Variants in NACC2 observed in about 807,000 individuals in gnomAD.
The protein encoded by NACC2 is NACC family member 2.
Under a neutral mutation model 25.1 loss-of-function variants are expected in NACC2, and 8 were observed. That is an observed-to-expected ratio of 0.32 (90% confidence interval 0.19 to 0.57). NACC2 has a LOEUF of 0.57. Among genes scored for constraint, NACC2 ranks in the 20% least tolerant of loss-of-function variants. The pLI, the probability that NACC2 is intolerant of heterozygous loss-of-function variation, is 0.89. For missense variants in NACC2, 644 were observed against 650.2 expected, an observed-to-expected ratio of 0.99 and a Z score of 0.10; for synonymous variants, 435 against 294.7, an observed-to-expected ratio of 1.48 and a Z score of -4.88.
At chr9:136,057,586 A>G (rs1840943525) in intron 1 of NACC2, among the ~76,000 whole-genome samples, 1 of 152,270 alleles carries the variant, frequency 6.6e-6, no homozygotes, top group Non-Finnish European at 1.5e-5. Context: ...GTAAGCTTGA[A>G]GAGCGTCTCC....
At chr9:136,042,711 GAGACACAC>G (rs1030600333) in intron 2 of NACC2, among the ~76,000 whole-genome samples, 21 of 143,118 alleles carry the variant, frequency 1.5e-4, no homozygotes, top group Non-Finnish European at 2.4e-4. Flanking sequence ...CACAGACACA[GAGACACAC>G]ACACAGACAC....
At chr9:136,030,778 C>A (rs1840461691) in intron 2 of NACC2, among the ~76,000 whole-genome samples, 1 of 152,252 alleles carries the variant, frequency 6.6e-6, no homozygotes, top group East Asian at 1.9e-4. Context: ...CCTCCCATCT[C>A]AGCCTCCCGA....
intron 1 of NACC2, among the ~76,000 whole-genome samples, chr9:136,062,831 C>A (rs1309276802): frequency 6.6e-6 from 1 of 152,214 alleles, no homozygotes; most frequent in African/African-American, 2.4e-5. Context: ...GTGGGAGGAT[C>A]ACCTAAGCCT....
In NACC2 at chr9:136,055,696, T is replaced by C. The variant is rs1564233173; in HGVS notation, c.-59-5116A>G. On this transcript the variant is annotated intron_variant, in intron 1 of 5. Transcript: ENST00000277554. The surrounding 1 kb of genome is among the most constrained non-coding windows in gnomAD (Gnocchi z 4.9). ...GCAGGATTTAATTTCACCAATCTAA[T>C]AAGAGGTTCTGGACCTCAGCAAATG... 6.6e-6 allele frequency among the ~76,000 whole-genome samples: 1 copy of C among 152,154 alleles called. No individual in the cohort carries two copies. The highest frequency in any genetic ancestry group is 2.4e-5 in the African/African-American group (1 of 41,420).
At chr9:136,026,990 A>C (rs1840401961) in intron 2 of NACC2, among the ~76,000 whole-genome samples, 2 of 152,210 alleles carry the variant, frequency 1.3e-5, no homozygotes, top group South Asian at 4.1e-4. Flanking sequence ...GCACTCTGGG[A>C]GGCTGAAGCA....
chr9:136,088,464 C>T (rs1026395826), intron 1 of NACC2, among the ~76,000 whole-genome samples: 5 of 152,162 alleles, frequency 3.3e-5, no homozygotes, highest in Non-Finnish European at 5.9e-5. Context: ...GCTGCAAAGC[C>T]ACAGTGGTCA....
rs1233718589 is a variant in NACC2, at chr9:136,020,393, C to G, written c.887-3964G>C. On this transcript the variant is annotated intron_variant, in intron 2 of 5. Coordinates refer to ENST00000277554, the MANE Select transcript of NACC2 (RefSeq NM_144653.5). This position sits in a 1 kb window ranked among gnomAD's most constrained non-coding sequence, Gnocchi z 4.7. ...GATGTCCCAGATGGCGAGCCCTGTT[C>G]CTGTCCCCAAGGCAGAGTGTGTCAT... Among the ~76,000 whole-genome samples, 2 of 152,122 alleles carry G rather than the reference C, an allele frequency of 1.3e-5. No homozygotes were observed. The highest frequency in any genetic ancestry group is 2.4e-5 in the African/African-American group (1 of 41,424).
Position 136,011,251 on chromosome 9 carries a change from C to A in NACC2, c.*265G>T, listed in dbSNP as rs147839541. 1 of 291,620 alleles carries A rather than the reference C, an allele frequency of 3.4e-6. No individual in the cohort carries two copies. Among genetic ancestry groups the A allele is most frequent in the Non-Finnish European group, 6.2e-6 (1 of 161,910 alleles). The allele number at this position is 291,620 out of a possible 1,614,324, so 18.1% of individuals were successfully genotyped here. On this transcript the variant is annotated 3_prime_UTR_variant, in exon 6 of 6. Transcript: ENST00000277554. Reference sequence around the variant, plus strand: ...CCCTCCCCAAGAAGGGGGAGGGAAGCTACACTTGGAGGCTGACCTTGTGAA... The same window carrying A: ...CCCTCCCCAAGAAGGGGGAGGGAAGATACACTTGGAGGCTGACCTTGTGAA...
chr9:136,036,552 C>CAT (rs1179604517), intron 2 of NACC2, among the ~76,000 whole-genome samples: 3 of 152,068 alleles, frequency 2.0e-5, no homozygotes, highest in East Asian at 1.9e-4. Context: ...TATACATATA[C>CAT]ATATATATAC....
At chr9:136,047,717 G>A (rs1317839074) in intron 2 of NACC2, among the ~76,000 whole-genome samples, 3 of 152,128 alleles carry the variant, frequency 2.0e-5, no homozygotes, top group East Asian at 1.9e-4. Flanking sequence ...ACACACATCC[G>A]GGACTCCACA....
intron 1 of NACC2, among the ~76,000 whole-genome samples, chr9:136,053,338 C>G (rs913234399): frequency 1.3e-5 from 2 of 152,160 alleles, no homozygotes; most frequent in African/African-American, 4.8e-5. Flanking sequence ...GGCAAAGGCC[C>G]GTGGAGGTGG....
intron 1 of NACC2, among the ~76,000 whole-genome samples, chr9:136,062,112 C>CAA (rs1406382552): frequency 6.6e-4 from 88 of 133,084 alleles, no homozygotes; most frequent in African/African-American, 2.3e-3. Context: ...GGCAACAGAG[C>CAA]GAGACAGGAC....
At chr9:136,083,348 C>G (rs1830343523) in intron 1 of NACC2, among the ~76,000 whole-genome samples, 1 of 144,576 alleles carries the variant, frequency 6.9e-6, no homozygotes, top group Admixed American at 7.3e-5. Flanking sequence ...CCTTCCTTCC[C>G]AGGCTGGGTT....
At position 136,013,161 on chromosome 9, in the gene NACC2, C is replaced by A. The variant is rs1244350703; in HGVS notation, c.1255+38G>T. 1 of 815,928 alleles carries A rather than the reference C, an allele frequency of 1.2e-6. No homozygotes were observed. The highest frequency in any genetic ancestry group is 2.1e-6 in the Non-Finnish European group (1 of 465,308). The allele number at this position is 815,928 out of a possible 1,614,324, so 50.5% of individuals were successfully genotyped here. The stretch of plus-strand genomic sequence containing the variant: ...CCTCAGGCTGGGATCTGAACCCAGC[C>A]CCGGCCCCACCCACCCGAGAGACCC... On this transcript the variant is annotated intron_variant, in intron 5 of 5. Coordinates refer to ENST00000277554, the MANE Select transcript of NACC2 (RefSeq NM_144653.5). This position sits in a 1 kb window ranked among gnomAD's most constrained non-coding sequence, Gnocchi z 6.6.
chr9:136,049,786 G>T lies in NACC2; in HGVS notation c.736C>A (p.Arg246=), dbSNP rs990741616. The change falls in exon 2 of 6, where the codon CGG becomes AGG. Residue 246 remains arginine, a synonymous_variant. Coordinates refer to ENST00000277554, the MANE Select transcript of NACC2 (RefSeq NM_144653.5). ...AGGCTGCTGGCGCCTGGACTGGTCC[G>T]CTCCCCCTGGGGGTAGGGCATCTGC... is the stretch of plus-strand genomic sequence containing the variant. ...IQQMPYPQGE[R]TSPGASSLPT... is the part of the protein sequence containing the mutation. 1 of 769,208 alleles carries T rather than the reference G, an allele frequency of 1.3e-6. No individual in the cohort carries two copies. The highest frequency in any genetic ancestry group is 2.4e-6 in the Non-Finnish European group (1 of 413,210). The allele number at this position is 769,208 out of a possible 1,614,324, so 47.6% of individuals were successfully genotyped here.
chr9:136,013,158 A>G lies in NACC2; in HGVS notation c.1255+41T>C. 5.5e-6 allele frequency: 4 copies of G among 725,486 alleles called. No individual in the cohort carries two copies. Among genetic ancestry groups the G allele is most frequent in the South Asian group, 1.4e-5 (1 of 71,868 alleles). The allele number at this position is 725,486 out of a possible 1,614,324, so 44.9% of individuals were successfully genotyped here. ...CCTCCTCAGGCTGGGATCTGAACCC[A>G]GCCCCGGCCCCACCCACCCGAGAGA... On this transcript the variant is annotated intron_variant, in intron 5 of 5. Coordinates refer to ENST00000277554, the MANE Select transcript of NACC2 (RefSeq NM_144653.5). The surrounding 1 kb of genome is among the most constrained non-coding windows in gnomAD (Gnocchi z 6.6).
At chr9:136,053,077 T>A (rs1036338381) in intron 1 of NACC2, among the ~76,000 whole-genome samples, 2 of 152,220 alleles carry the variant, frequency 1.3e-5, no homozygotes, top group Non-Finnish European at 2.9e-5. Flanking sequence ...CCCCTCCTGC[T>A]TGGCCAGCTG....
At chr9:136,072,996 A>G (rs2131179562) in intron 1 of NACC2, among the ~76,000 whole-genome samples, 1 of 152,222 alleles carries the variant, frequency 6.6e-6, no homozygotes, top group East Asian at 1.9e-4. Flanking sequence ...AAAAAAACTG[A>G]TAAACTGGAC....
chr9:136,052,999 A>AC (rs900693901), intron 1 of NACC2, among the ~76,000 whole-genome samples: 3 of 152,042 alleles, frequency 2.0e-5, no homozygotes, highest in African/African-American at 7.2e-5. Flanking sequence ...ACTGGCTGTG[A>AC]CCCCCAGGAA....
Sources: gnomAD v4.1 joint callset for allele counts (sites outside exome capture counted in the v4.1 genomes callset) on GRCh38, gnomAD v4.1.1 for gene constraint, Gnocchi (gnomAD v3.1) non-coding constraint, MANE v1.5 for transcripts, NCBI Gene and HGNC (gene_info 2026-07-23, HGNC 2026-07-21) for gene names.